Variants in ROGDI observed in about 807,000 individuals in gnomAD.
The protein encoded by ROGDI is rogdi atypical leucine zipper.
ROGDI carries 46 observed loss-of-function variants against 43.1 expected under a neutral mutation model. The ratio of observed to expected loss-of-function variants is 1.07; its 90% CI spans 0.84 to 1.37. ROGDI has a LOEUF of 1.37. Among genes scored for constraint, ROGDI ranks in the 40% most tolerant of loss-of-function variants. ROGDI has a pLI of 0.00. For synonymous variants in ROGDI, 243 were observed against 162.0 expected (o/e 1.50, Z -3.80); for missense variants, 518 against 383.9 (o/e 1.35, Z -2.92).
chr16:4,801,365 A>G (rs1596278238), intron 3 of ROGDI, 44 bp from the exon 4 acceptor site: 2 of 1,583,388 alleles, frequency 1.3e-6, no homozygotes, highest in East Asian at 4.5e-5. Flanking sequence ...TCACCCCCCC[A>G]CCACCCAGCC....
intron 2 of ROGDI, 90 bp from the exon 3 acceptor site, chr16:4,801,675 G>T: frequency 8.0e-7 from 1 of 1,249,730 alleles, no homozygotes; most frequent in Non-Finnish European, 1.1e-6. Flanking sequence ...CTCCAAGTCA[G>T]CGGGGGGAAG....
intron 10 of ROGDI, 53 bp from the exon 11 acceptor site, chr16:4,797,554 G>C (rs1405712875): frequency 5.9e-6 from 7 of 1,182,266 alleles, no homozygotes; most frequent in Non-Finnish European, 6.4e-6. Flanking sequence ...GGTAGCCCAG[G>C]GGAGATGTCA....
At chr16:4,799,274 C>T (rs558575752) in intron 6 of ROGDI, among the ~76,000 whole-genome samples, 11 of 152,046 alleles carry the variant, frequency 7.2e-5, no homozygotes, top group South Asian at 6.2e-4. Flanking sequence ...TTACAGTTCT[C>T]GAAGGGATCT....
chr16:4,802,278 G>A (rs1241005081), intron 2 of ROGDI, 104 bp downstream of exon 2: 10 of 1,084,414 alleles, frequency 9.2e-6, no homozygotes, highest in East Asian at 5.5e-5. Flanking sequence ...CGCGGCAGCC[G>A]CACACTGTAG....
In ROGDI at chr16:4,802,584, CCG is replaced by C; in HGVS notation, c.-15_-14del. On this transcript the variant is annotated 5_prime_UTR_variant, in exon 1 of 11. Coordinates refer to ENST00000322048, the MANE Select transcript of ROGDI (RefSeq NM_024589.3). ...TCACGGTGGCCATGGCCGCAGGCCG[CCG>C]CCGAGCGCCCTCCCCACCGGCCGCT... 7.6e-7 allele frequency: 1 copy of C among 1,311,256 alleles called. No individual in the cohort carries two copies. The highest frequency in any genetic ancestry group is 2.1e-5 in the South Asian group (1 of 47,756). 81.2% of individuals were successfully genotyped at this position (1,311,256 alleles called of 1,614,324 possible).
Position 4,797,521 on chromosome 16 carries a change from T to TGCAG in ROGDI, c.823-21_823-20insCTGC. 1 of 1,400,830 alleles carries TGCAG rather than the reference T, an allele frequency of 7.1e-7. No homozygotes were observed. The highest frequency in any genetic ancestry group is 9.4e-7 in the Non-Finnish European group (1 of 1,062,870). The allele number at this position is 1,400,830 out of a possible 1,614,324, so 86.8% of individuals were successfully genotyped here. On this transcript the variant is annotated intron_variant, in intron 10 of 10. Transcript: ENST00000322048. ...GGAGATCTGCAAGGGGAGAGGGTGCTGTAGGTTGCTGAAGGGGGATGGGGT... is the reference window on the plus strand; with the variant it reads ...GGAGATCTGCAAGGGGAGAGGGTGCTGCAGGTAGGTTGCTGAAGGGGGATGGGGT...
chr16:4,798,227 C>A (rs1222503358), intron 7 of ROGDI, 43 bp from the exon 8 acceptor site: 3 of 1,538,200 alleles, frequency 2.0e-6, no homozygotes, highest in Non-Finnish European at 2.7e-6. Context: ...AGCCCCCAGC[C>A]CAGGCTGGAT....
Position 4,797,725 on chromosome 16 carries a change from G to C in ROGDI, c.811C>G (p.Leu271Val). 7.6e-7 allele frequency: 1 copy of C among 1,316,176 alleles called. No homozygotes were observed. The highest frequency in any genetic ancestry group is 9.9e-7 in the Non-Finnish European group (1 of 1,015,106). The allele number at this position is 1,316,176 out of a possible 1,614,324, so 81.5% of individuals were successfully genotyped here. Reference protein sequence around the residue: ...FTVSLQLCQQLKDKISVFSSY... With the variant: ...FTVSLQLCQQVKDKISVFSSY... ...CGGCCCGGGCCCACCTTGTCCTTGA[G>C]CTGCTGGCAGAGCTGCAGGGAGACG... Residue 271 changes from leucine to valine, a missense_variant, in exon 10 of 11, where the codon CTC (leucine) becomes GTC (valine). Leu to Val is a conservative substitution (Grantham distance 32). Transcript: ENST00000322048.
At position 4,800,519 on chromosome 16, in the gene ROGDI, G is replaced by A. The variant is rs1596277135; in HGVS notation, c.315C>T (p.Asp105=). ...NQLLHFAFRE[D]KQWKLQQIQD... ...TCACCTGCTGCAGCTTCCACTGCTT[G>A]TCCTCCCGGAAGGCGAAGTGCAGCA... is the stretch of plus-strand genomic sequence containing the variant. Residue 105 remains aspartate, a synonymous_variant, in exon 5 of 11, where the codon GAC becomes GAT. Transcript: ENST00000322048. The A allele has an allele frequency of 2.6e-6, 4 of 1,559,680 alleles. No homozygotes were observed. Among genetic ancestry groups the A allele is most frequent in the East Asian group, 2.4e-5 (1 of 41,840 alleles).
rs2082701729 is a variant in ROGDI, at chr16:4,800,504, C to T, written c.330G>A (p.Leu110=). The T allele has an allele frequency of 1.3e-6, 2 of 1,555,460 alleles. No homozygotes were observed. Among genetic ancestry groups the T allele is most frequent in the Non-Finnish European group, 1.7e-6 (2 of 1,148,842 alleles). ...CCAGGAGGGGCGGGGTCACCTGCTGCAGCTTCCACTGCTTGTCCTCCCGGA... is the reference window on the plus strand; with the variant it reads ...CCAGGAGGGGCGGGGTCACCTGCTGTAGCTTCCACTGCTTGTCCTCCCGGA... ...FAFREDKQWK[L]QQIQDARNHV... is the part of the protein sequence containing the mutation. Residue 110 remains leucine (L), a synonymous_variant, in exon 5 of 11, where the codon CTG becomes CTA. Coordinates refer to ENST00000322048, the MANE Select transcript of ROGDI (RefSeq NM_024589.3).
At chr16:4,799,154 C>A (rs975761963) in intron 6 of ROGDI, among the ~76,000 whole-genome samples, 1 of 152,118 alleles carries the variant, frequency 6.6e-6, no homozygotes, top group Admixed American at 6.5e-5. Flanking sequence ...CTCCTCAGAG[C>A]CCCAGCTTTC....
chr16:4,798,070 C>T lies in ROGDI; in HGVS notation c.645+1G>A. 2.5e-6 allele frequency: 4 copies of T among 1,613,860 alleles called. No homozygotes were observed. The highest frequency in any genetic ancestry group is 1.7e-4 in the Middle Eastern group (1 of 6,060). On this transcript the variant is annotated splice_donor_variant, in intron 8 of 10. Transcript: ENST00000322048. LOFTEE classifies it high-confidence loss of function. ...TGGGCCGGGCAGGGGTCCCTCCTCA[C>T]CTTGGTGGAGTTGGGCTGCAGGGCA...
chr16:4,800,298 C>T (rs2082699563), intron 5 of ROGDI, among the ~76,000 whole-genome samples, 200 bp downstream of exon 5: 1 of 152,190 alleles, frequency 6.6e-6, no homozygotes, highest in South Asian at 2.1e-4. Context: ...GCTCTCAGGC[C>T]AGGTTCTCTA....
Position 4,797,742 on chromosome 16 carries a change from A to G in ROGDI, c.794T>C (p.Leu265Pro), listed in dbSNP as rs771427647. Residue 265 changes from leucine to proline, a missense_variant, in exon 10 of 11, where the codon CTG (leucine) becomes CCG (proline). Physicochemically the swap from Leu to Pro is moderately conservative, Grantham distance 98. Transcript: ENST00000322048. ...NDALVYFTVS[L>P]QLCQQLKDKI... ...GTCCTTGAGCTGCTGGCAGAGCTGCAGGGAGACGGTGAAGTAGACCAGGGC... is the reference window on the plus strand; with the variant it reads ...GTCCTTGAGCTGCTGGCAGAGCTGCGGGGAGACGGTGAAGTAGACCAGGGC... 6.9e-6 allele frequency: 10 copies of G among 1,452,604 alleles called. No individual in the cohort carries two copies. The South Asian group carries it at 1.2e-4, about 17-fold the overall frequency. The allele number at this position is 1,452,604 out of a possible 1,614,324, so 90.0% of individuals were successfully genotyped here.
At chr16:4,798,312 A>G (rs925685067) in intron 7 of ROGDI, 128 bp from the exon 8 acceptor site, 2 of 832,466 alleles carry the variant, frequency 2.4e-6, no homozygotes, top group Admixed American at 2.2e-5. Flanking sequence ...TCTTCTCATC[A>G]ATGGGGGCTT....
chr16:4,802,513 C>T lies in ROGDI; in HGVS notation c.45+14G>A, dbSNP rs763000205. 2 of 1,216,488 alleles carry T rather than the reference C, an allele frequency of 1.6e-6. No homozygotes were observed. The highest frequency in any genetic ancestry group is 7.4e-5 in the South Asian group (2 of 26,870). The allele number at this position is 1,216,488 out of a possible 1,614,324, so 75.4% of individuals were successfully genotyped here. ...GCCGCCCCGCCGGCCCGCCCGCTGG[C>T]CCGCGCGCCTTACCAGCACCGCCCG... On this transcript the variant is annotated intron_variant, in intron 1 of 10. Transcript: ENST00000322048.
At chr16:4,798,407 G>C (rs140779198) in intron 7 of ROGDI, 162 bp downstream of exon 7, 20 of 705,890 alleles carry the variant, frequency 2.8e-5, no homozygotes, top group Non-Finnish European at 4.2e-5. Flanking sequence ...ACGTATTTTA[G>C]GGGCACAGGA....
intron 2 of ROGDI, chr16:4,802,043 A>G (rs1172418383): frequency 1.7e-6 from 1 of 591,144 alleles, no homozygotes; most frequent in East Asian, 3.8e-5. Context: ...AGGGAGGCCC[A>G]GGGAGGTTCA....
intron 4 of ROGDI, chr16:4,800,851 C>A: frequency 1.8e-6 from 1 of 554,070 alleles, no homozygotes; most frequent in South Asian, 2.2e-5. Flanking sequence ...CTCTGTGAGG[C>A]TCTGTGCGAA....
Sources: gnomAD v4.1 joint callset for allele counts (sites outside exome capture counted in the v4.1 genomes callset) on GRCh38, gnomAD v4.1.1 for gene constraint, MANE v1.5 for transcripts, NCBI Gene and HGNC (gene_info 2026-07-23, HGNC 2026-07-21) for gene names.